NDE1: variants seen among roughly 807,000 people sequenced by gnomAD.
NDE1 encodes the protein nudE neurodevelopment protein 1, also known as nuclear distribution protein nudE homolog 1.
In NDE1, 28 loss-of-function variants were observed where a neutral mutation model predicts 43.4. The ratio of observed to expected loss-of-function variants is 0.65; its 90% CI spans 0.48 to 0.89. NDE1 has a LOEUF of 0.89. Ranked by LOEUF, NDE1 falls within the 40% of genes least tolerant of loss-of-function variation. The pLI is 0.00. For missense variants in NDE1, 441 were observed against 434.1 expected (o/e 1.02, Z -0.14); for synonymous variants, 184 against 172.0 (o/e 1.07, Z -0.55).
upstream of NDE1, among the ~76,000 whole-genome samples, chr16:15,646,514 G>A (rs2036331908): frequency 1.3e-5 from 2 of 151,860 alleles, no homozygotes; most frequent in South Asian, 4.2e-4. Context: ...CCAGGAGGAA[G>A]AGGTTGCGGT....
At chr16:15,717,317 T>C in intron 8 of NDE1, 1 of 1,611,108 alleles carries the variant, frequency 6.2e-7, no homozygotes, top group South Asian at 1.1e-5. Flanking sequence ...CGTGCTGCGC[T>C]CTGTGGCCAG....
upstream of NDE1, among the ~76,000 whole-genome samples, chr16:15,646,575 C>A (rs1220848542): frequency 1.2e-4 from 18 of 148,940 alleles, no homozygotes; most frequent in Admixed American, 2.7e-4. Flanking sequence ...AACGAGACTC[C>A]GTCAAAAAAA....
At chr16:15,672,705 C>G (rs2037658401) in intron 3 of NDE1, 1 of 152,208 alleles carries the variant, frequency 6.6e-6, no homozygotes, top group Non-Finnish European at 1.5e-5. Context: ...GAGGAGATCT[C>G]TCAATCGCCA....
intron 7 of NDE1, chr16:15,694,791 C>G: frequency 1.0e-6 from 1 of 985,362 alleles, no homozygotes; most frequent in Non-Finnish European, 1.2e-6. Context: ...ATGTCTCTTT[C>G]CTTTTACCGT....
chr16:15,720,984 T>A lies in NDE1; in HGVS notation c.948-3207T>A, dbSNP rs374952057. 6.2e-7 allele frequency: 1 copy of A among 1,613,972 alleles called. No individual in the cohort carries two copies. The highest frequency in any genetic ancestry group is 8.5e-7 in the Non-Finnish European group (1 of 1,180,020). ...GGCTTGCAGCTCGTCCTCCAGCTCT[T>A]CCAGCTGCGTCTTCATCTCCTCCAT... On this transcript the variant is annotated intron_variant, in intron 8 of 8. Coordinates refer to ENST00000396354, the MANE Select transcript of NDE1 (RefSeq NM_017668.3).
At chr16:15,721,726 A>T in intron 8 of NDE1, 1 of 1,360,834 alleles carries the variant, frequency 7.3e-7, no homozygotes, top group Non-Finnish European at 1.0e-6. Context: ...TGTCCTGCTG[A>T]ATGTATTGAG....
At position 15,699,932 on chromosome 16, in the gene NDE1, A is replaced by C. The variant is rs376547196; in HGVS notation, c.947+3072A>C. On this transcript the variant is annotated intron_variant, in intron 8 of 8. Transcript: ENST00000396354. ...GTTAGTTTGAGAAATAAGAGCAGTC[A>C]CCATAGTTAGTTAGCTTTGCGGCCC... 7.9e-4 allele frequency: 973 copies of C among 1,234,260 alleles called. 2 individuals carry two copies. The highest frequency in any genetic ancestry group is 9.5e-4 in the Non-Finnish European group (912 of 960,872). The allele number at this position is 1,234,260 out of a possible 1,614,324, so 76.5% of individuals were successfully genotyped here.
chr16:15,669,576 G>A (rs1455565794), intron 3 of NDE1, among the ~76,000 whole-genome samples: 1 of 151,746 alleles, frequency 6.6e-6, no homozygotes, highest in Non-Finnish European at 1.5e-5. Flanking sequence ...TTTCCAGGAT[G>A]GTCTTGATCT....
At chr16:15,697,910 A>G (rs2039085565) in intron 8 of NDE1, among the ~76,000 whole-genome samples, 2 of 151,052 alleles carry the variant, frequency 1.3e-5, no homozygotes, top group African/African-American at 4.9e-5. Flanking sequence ...AAGTCCAAGC[A>G]ATTCTCCTGC....
Position 15,704,665 on chromosome 16 carries a change from G to A in NDE1, c.947+7805G>A, listed in dbSNP as rs71376092. Among the ~76,000 whole-genome samples, 796 of 152,274 alleles carry A rather than the reference G, an allele frequency of 5.2e-3. 11 individuals are homozygous for A. The highest frequency in any genetic ancestry group is 0.025 in the South Asian group (120 of 4,822). Reference sequence around the variant, plus strand: ...GGCAGCCTTGAGAAGGACACAGAGGGGCTCCCTGGTTAAAAGGCGAGACAG... The same window carrying A: ...GGCAGCCTTGAGAAGGACACAGAGGAGCTCCCTGGTTAAAAGGCGAGACAG... On this transcript the variant is annotated intron_variant, in intron 8 of 8. Coordinates refer to ENST00000396354, the MANE Select transcript of NDE1 (RefSeq NM_017668.3).
In NDE1 at chr16:15,715,101, G is replaced by C; in HGVS notation, c.948-9090G>C. 6.2e-7 allele frequency: 1 copy of C among 1,612,558 alleles called. No individual in the cohort carries two copies. The highest frequency in any genetic ancestry group is 1.3e-5 in the African/African-American group (1 of 75,034). ...CTCTGCCTGTCGCGGAGAGTTGGAG[G>C]GGTGGTTAGGGGAGGCCGGCTGGGG... On this transcript the variant is annotated intron_variant, in intron 8 of 8. Transcript: ENST00000396354.
intron 8 of NDE1, chr16:15,714,813 G>A (rs2040025431): frequency 1.4e-6 from 2 of 1,452,362 alleles, no homozygotes; most frequent in East Asian, 2.3e-5. Flanking sequence ...GGCGGCTGTG[G>A]GCACAAGGGG....
At chr16:15,719,696 A>C (rs751344814) in intron 8 of NDE1, 1 of 1,614,114 alleles carries the variant, frequency 6.2e-7, no homozygotes, top group South Asian at 1.1e-5. Context: ...GCTCTCTTTG[A>C]AAGTCCTTCA....
intron 1 of NDE1, among the ~76,000 whole-genome samples, chr16:15,656,172 AAAGTG>A (rs2036759147): frequency 6.6e-6 from 1 of 152,246 alleles, no homozygotes; most frequent in African/African-American, 2.4e-5. Context: ...GTTTTATGAT[AAAGTG>A]AAGTGCAGCT....
intron 8 of NDE1, among the ~76,000 whole-genome samples, chr16:15,707,793 G>A (rs1027871157): frequency 6.6e-6 from 1 of 152,128 alleles, no homozygotes; most frequent in Non-Finnish European, 1.5e-5. Context: ...CCAACATGGT[G>A]ATATCCTGTC....
At chr16:15,669,091 G>A (rs1177878929) in intron 3 of NDE1, among the ~76,000 whole-genome samples, 4 of 151,572 alleles carry the variant, frequency 2.6e-5, no homozygotes, top group South Asian at 2.1e-4. Context: ...TAGTAGAAAC[G>A]GGGTTTCACC....
chr16:15,663,119 A>G (rs905803196), intron 1 of NDE1, among the ~76,000 whole-genome samples: 6 of 151,404 alleles, frequency 4.0e-5, no homozygotes, highest in Non-Finnish European at 8.8e-5. Context: ...GTTCCCTTCC[A>G]CTCGTCACCT....
At chr16:15,657,094 CT>C (rs2036807277) in intron 1 of NDE1, among the ~76,000 whole-genome samples, 1 of 151,202 alleles carries the variant, frequency 6.6e-6, no homozygotes, top group Non-Finnish European at 1.5e-5. Flanking sequence ...TCACCAATGT[CT>C]TTTTTTGTTT....
chr16:15,686,714 A>G (rs1247277247), intron 4 of NDE1: 4 of 269,200 alleles, frequency 1.5e-5, no homozygotes, highest in Non-Finnish European at 2.3e-5. Flanking sequence ...TTATTAGGTT[A>G]TTATTATTTT....
Sources: gnomAD v4.1 joint callset for allele counts (sites outside exome capture counted in the v4.1 genomes callset) on GRCh38, gnomAD v4.1.1 for gene constraint, MANE v1.5 for transcripts, NCBI Gene and HGNC (gene_info 2026-07-23, HGNC 2026-07-21) for gene names.